ANKRD36C: variants seen among roughly 807,000 people sequenced by gnomAD.
ANKRD36C encodes ankyrin repeat domain-containing protein 36C.
In ANKRD36C, 61 loss-of-function variants were observed where a neutral mutation model predicts 276.4. That is an observed-to-expected ratio of 0.22 (90% CI 0.18 to 0.27). The LOEUF is 0.27. Ranked by LOEUF, ANKRD36C falls within the 10% of genes least tolerant of loss-of-function variation. The pLI, the probability that ANKRD36C is intolerant of heterozygous loss-of-function variation, is 1.00. For missense variants in ANKRD36C, 1,447 were observed against 2,032.3 expected (o/e 0.71, Z 5.54); for synonymous variants, 483 against 680.1 (o/e 0.71, Z 4.51).
chr2:95,924,930 T>C (rs1158799024), intron 30 of ANKRD36C, among the ~76,000 whole-genome samples: 3 of 151,594 alleles, frequency 2.0e-5, no homozygotes, highest in African/African-American at 7.3e-5. Context: ...CAGTGGTCAC[T>C]TTGTTTCTCA....
intron 13 of ANKRD36C, among the ~76,000 whole-genome samples, chr2:95,956,437 C>G (rs932259533): frequency 1.3e-5 from 2 of 152,038 alleles, no homozygotes; most frequent in African/African-American, 4.8e-5. Flanking sequence ...CTGAGTTACA[C>G]CAGTACCGTG....
At chr2:95,883,097 TG>T (rs1461115916) in intron 54 of ANKRD36C, among the ~76,000 whole-genome samples, 1 of 152,136 alleles carries the variant, frequency 6.6e-6, no homozygotes, top group Non-Finnish European at 1.5e-5. Context: ...GGTGTAATAA[TG>T]TGCCTACATT....
At chr2:95,934,551 C>G (rs1371968458) in intron 24 of ANKRD36C, among the ~76,000 whole-genome samples, 1 of 152,058 alleles carries the variant, frequency 6.6e-6, no homozygotes, top group Admixed American at 6.6e-5. Flanking sequence ...GGGAGTTGAA[C>G]AATAAGAACA....
intron 59 of ANKRD36C, among the ~76,000 whole-genome samples, chr2:95,870,677 C>T (rs1260653663): frequency 1.3e-5 from 2 of 152,092 alleles, no homozygotes; most frequent in Admixed American, 6.5e-5. Flanking sequence ...ATGACTTTGA[C>T]GAGTTGAGAG....
At chr2:95,871,563 T>C (rs904872962) in intron 59 of ANKRD36C, among the ~76,000 whole-genome samples, 2 of 151,988 alleles carry the variant, frequency 1.3e-5, no homozygotes, top group Non-Finnish European at 2.9e-5. Context: ...TGCAAAATCA[T>C]GCCAAAATAT....
intron 42 of ANKRD36C, 84 bp downstream of exon 46, chr2:95,910,289 C>T (rs1339838886): frequency 1.1e-5 from 15 of 1,409,808 alleles, no homozygotes; most frequent in South Asian, 2.6e-5. Flanking sequence ...GCAGCTTCGA[C>T]GAGCCACCCG....
chr2:95,902,753 T>A, intron 42 of ANKRD36C, 133 bp downstream of exon 54: 1 of 1,195,926 alleles, frequency 8.4e-7, no homozygotes, highest in Non-Finnish European at 1.1e-6. Flanking sequence ...CACAAACTTA[T>A]TTGAAATGAA....
intron 64 of ANKRD36C, 53 bp from the exon 85 acceptor site, chr2:95,852,249 C>A: frequency 4.9e-6 from 6 of 1,224,614 alleles, no homozygotes; most frequent in Non-Finnish European, 7.1e-6. Flanking sequence ...AAATGTCCAT[C>A]AGTAGATGAA....
intron 42 of ANKRD36C, 107 bp downstream of exon 44, chr2:95,912,137 T>A: frequency 6.9e-7 from 1 of 1,441,906 alleles, no homozygotes; most frequent in East Asian, 2.5e-5. Flanking sequence ...ATCTCAGGCC[T>A]GCTGAATCAG....
At chr2:95,982,599 C>T (rs1357185268) in intron 3 of ANKRD36C, among the ~76,000 whole-genome samples, 1 of 114,118 alleles carries the variant, frequency 8.8e-6, no homozygotes, top group African/African-American at 3.5e-5. Context: ...AAACATTTCC[C>T]AGTTCCAAGA....
intron 5 of ANKRD36C, among the ~76,000 whole-genome samples, chr2:95,978,435 A>T (rs1255761685): frequency 6.6e-6 from 1 of 152,068 alleles, no homozygotes; most frequent in African/African-American, 2.4e-5. Flanking sequence ...CACAATGGAA[A>T]GTCACCTTCC....
chr2:95,974,725 C>T lies in ANKRD36C; in HGVS notation c.799+3397G>A, dbSNP rs186959143. ...CGTGAAGGTTTGTTACATATGTATA[C>T]ATGTGCCATGTTGGTGTGCTGCACC... On this transcript the variant is annotated intron_variant, in intron 6 of 66. Transcript: ENST00000456556. Among the ~76,000 whole-genome samples the T allele has an allele frequency of 6.7e-3, 1,018 of 151,928 alleles. 53 individuals carry two copies. The highest frequency in any genetic ancestry group is 0.059 in the Admixed American group (900 of 15,260).
intron 6 of ANKRD36C, among the ~76,000 whole-genome samples, chr2:95,963,988 T>TATATATATAA (rs1558658703): frequency 0.012 from 241 of 19,376 alleles, no homozygotes; most frequent in African/African-American, 0.027. Flanking sequence ...TATATATATA[T>TATATATATAA]ATATATATAT....
chr2:95,860,159 C>T lies in ANKRD36C; in HGVS notation c.3683-85G>A, dbSNP rs536030707. ...GGACTGTGCATTTTTAACATGTATT[C>T]ATTCATATGTTGAACAAGTATGTAC... On this transcript the variant is annotated intron_variant, in intron 60 of 66. Transcript: ENST00000456556. 1.3e-5 allele frequency: 13 copies of T among 999,730 alleles called. No individual in the cohort carries two copies. In the East Asian group the frequency reaches 3.4e-4, roughly 26 times the overall value. The allele number at this position is 999,730 out of a possible 1,614,324, so 61.9% of individuals were successfully genotyped here.
intron 6 of ANKRD36C, among the ~76,000 whole-genome samples, chr2:95,971,063 T>C (rs752799067): frequency 6.6e-6 from 1 of 152,168 alleles, no homozygotes; most frequent in Admixed American, 6.6e-5. Context: ...TACATTCAAC[T>C]GTCTTGGAAA....
chr2:95,880,508 G>A lies in ANKRD36C; in HGVS notation c.3397-9C>T. 6.5e-7 allele frequency: 1 copy of A among 1,548,300 alleles called. No individual in the cohort carries two copies. The highest frequency in any genetic ancestry group is 8.7e-7 in the Non-Finnish European group (1 of 1,145,772). ...TTATTTTCAATTGTAGCCTGAATGG[G>A]TTTTAAAACAAAGTGATTAGCACAT... is the stretch of plus-strand genomic sequence containing the variant. On this transcript the variant is annotated splice_polypyrimidine_tract_variant and intron_variant, in intron 57 of 66. Transcript: ENST00000456556.
chr2:95,935,310 G>A lies in ANKRD36C; in HGVS notation c.1735+144C>T, dbSNP rs79961548. 7 of 739,620 alleles carry A rather than the reference G, an allele frequency of 9.5e-6. No homozygotes were observed. The East Asian group carries it at 1.9e-4, about 20-fold the overall frequency. 45.8% of individuals were successfully genotyped at this position (739,620 alleles called of 1,614,324 possible). On this transcript the variant is annotated intron_variant, in intron 24 of 66. Transcript: ENST00000456556. Reference sequence around the variant, plus strand: ...TGTTCTTCTAAATATCATTTTATAAGCATAGACACTAACAGCATCAGCATC... The same window carrying A: ...TGTTCTTCTAAATATCATTTTATAAACATAGACACTAACAGCATCAGCATC...
At chr2:95,875,088 TA>T (rs1368429819) in intron 59 of ANKRD36C, among the ~76,000 whole-genome samples, 1 of 152,180 alleles carries the variant, frequency 6.6e-6, no homozygotes, top group Non-Finnish European at 1.5e-5. Flanking sequence ...GGTGGGACTG[TA>T]AACTAGTTCA....
intron 60 of ANKRD36C, among the ~76,000 whole-genome samples, chr2:95,863,331 G>A (rs1039643460): frequency 3.3e-5 from 5 of 152,096 alleles, no homozygotes; most frequent in African/African-American, 1.2e-4. Context: ...ATAAAAGAAA[G>A]TTAAGTTATA....
Sources: gnomAD v4.1 joint callset for allele counts (sites outside exome capture counted in the v4.1 genomes callset) on GRCh38, gnomAD v4.1.1 for gene constraint, MANE v1.5 for transcripts, NCBI Gene and HGNC (gene_info 2026-07-23, HGNC 2026-07-21) for gene names.